PIK3C2G: variants seen among roughly 807,000 people sequenced by gnomAD.
PIK3C2G encodes phosphatidylinositol 3-kinase C2 domain-containing subunit gamma.
A neutral mutation model predicts 181.1 loss-of-function variants in PIK3C2G; 168 were observed. The observed-to-expected ratio is 0.93, with a 90% CI of 0.82 to 1.05. The LOEUF is 1.05. Among genes scored for constraint, PIK3C2G ranks in the 50% least tolerant of loss-of-function variants. The pLI is 0.00. For missense variants in PIK3C2G, 1,869 were observed against 1,732.8 expected (o/e 1.08, Z -1.40); for synonymous variants, 573 against 592.2 (o/e 0.97, Z 0.47).
Position 18,414,564 on chromosome 12 carries a change from TATTTA to T in PIK3C2G, c.2316-6370_2316-6366del, listed in dbSNP as rs552073883. Among the ~76,000 whole-genome samples the T allele has an allele frequency of 6.6e-3, 1,000 of 152,132 alleles. 15 individuals carry two copies. The highest frequency in any genetic ancestry group is 0.023 in the African/African-American group (955 of 41,536). ...TATATTCCATCACATAGTTATATCA[TATTTA>T]ATTTAACTATTAATTTTTAGACATT... On this transcript the variant is annotated intron_variant, in intron 16 of 32. Coordinates refer to ENST00000538779, the MANE Select transcript of PIK3C2G (RefSeq NM_001288772.2).
At chr12:18,648,982 A>T (rs752667459), downstream of PIK3C2G, among the ~76,000 whole-genome samples, 4 of 152,104 alleles carry the variant, frequency 2.6e-5, no homozygotes, top group Admixed American at 2.0e-4. Context: ...CACCTCCTCT[A>T]TATCATATGA....
At chr12:18,454,798 G>A (rs755825699) in intron 18 of PIK3C2G, among the ~76,000 whole-genome samples, 1 of 152,102 alleles carries the variant, frequency 6.6e-6, no homozygotes, top group Non-Finnish European at 1.5e-5. Flanking sequence ...TTAATTTGAA[G>A]ATAGAACTGA....
intron 15 of PIK3C2G, among the ~76,000 whole-genome samples, chr12:18,392,805 C>A (rs1166177011): frequency 2.6e-5 from 4 of 152,048 alleles, no homozygotes; most frequent in Admixed American, 2.0e-4. Flanking sequence ...ACACTGATAA[C>A]AATGTGTGTG....
the PIK3C2G span, chr12:18,684,389 C>G: frequency 9.5e-7 from 1 of 1,048,222 alleles, no homozygotes; most frequent in East Asian, 2.5e-5. Flanking sequence ...ACAATAATAT[C>G]TTGTGTTTAG....
At chr12:18,425,423 C>T (rs1307105167) in intron 18 of PIK3C2G, among the ~76,000 whole-genome samples, 2 of 113,188 alleles carry the variant, frequency 1.8e-5, no homozygotes, top group African/African-American at 3.3e-5. Flanking sequence ...GTCGGAGTCT[C>T]ACTTTGTCAC....
At chr12:18,689,804 T>C in the PIK3C2G span, among the ~76,000 whole-genome samples, 1 of 152,176 alleles carries the variant, frequency 6.6e-6, no homozygotes, top group African/African-American at 2.4e-5. Context: ...CAATGTCAAA[T>C]GCCTTCATCA....
the PIK3C2G span, among the ~76,000 whole-genome samples, chr12:18,700,548 C>A: frequency 3.8e-5 from 5 of 131,522 alleles, no homozygotes; most frequent in East Asian, 4.9e-4. Context: ...AGTTGCTCTG[C>A]CAAGAGATAG....
At chr12:18,265,755 T>A (rs1948457941) in intron 1 of PIK3C2G, among the ~76,000 whole-genome samples, 2 of 152,076 alleles carry the variant, frequency 1.3e-5, no homozygotes, top group Non-Finnish European at 2.9e-5. Flanking sequence ...GGCTCAAGCC[T>A]GTAATCCCAG....
chr12:18,365,069 GA>G (rs1941542315), intron 12 of PIK3C2G, among the ~76,000 whole-genome samples: 1 of 152,070 alleles, frequency 6.6e-6, no homozygotes, highest in African/African-American at 2.4e-5. Context: ...CAATTTCAAA[GA>G]AAAAATTCTG....
At chr12:18,310,342 G>A (rs1444191663) in intron 5 of PIK3C2G, among the ~76,000 whole-genome samples, 1 of 151,878 alleles carries the variant, frequency 6.6e-6, no homozygotes, top group Admixed American at 6.6e-5. Flanking sequence ...ACTTTGGCTA[G>A]TGAGAGGCTA....
At chr12:18,337,868 C>T (rs934758681) in intron 8 of PIK3C2G, among the ~76,000 whole-genome samples, 20 of 152,136 alleles carry the variant, frequency 1.3e-4, no homozygotes, top group Non-Finnish European at 2.6e-4. Context: ...TCAGTCACTT[C>T]AAGGATAGTG....
At chr12:18,658,111 C>T in the PIK3C2G span, among the ~76,000 whole-genome samples, 9 of 152,144 alleles carry the variant, frequency 5.9e-5, no homozygotes, top group Non-Finnish European at 8.8e-5. Flanking sequence ...GAAGAATTAG[C>T]AAACTTGAAA....
At position 18,491,607 on chromosome 12, in the gene PIK3C2G, G is replaced by C. The variant is rs190053686; in HGVS notation, c.2793+49G>C. On this transcript the variant is annotated intron_variant, in intron 20 of 32. Transcript: ENST00000538779. ...TAATGGAATATTTCTGTTTTGTATA[G>C]TTTAGTTCATTGTATATGTTTGAAA... 1.3e-3 allele frequency: 1,357 copies of C among 1,070,238 alleles called. 9 individuals are homozygous for C. The African/African-American group carries it at 0.019, about 15-fold the overall frequency. The allele number at this position is 1,070,238 out of a possible 1,614,324, so 66.3% of individuals were successfully genotyped here.
At chr12:18,578,770 T>G (rs2136411184) in intron 29 of PIK3C2G, among the ~76,000 whole-genome samples, 1 of 152,286 alleles carries the variant, frequency 6.6e-6, no homozygotes, top group Admixed American at 6.5e-5. Context: ...TAAATATTTT[T>G]ACTATTTTAA....
intron 8 of PIK3C2G, among the ~76,000 whole-genome samples, chr12:18,336,087 T>C (rs367675729): frequency 6.6e-6 from 1 of 152,192 alleles, no homozygotes; most frequent in Non-Finnish European, 1.5e-5. Flanking sequence ...TATCTCTGCA[T>C]ATACAGTGTT....
At chr12:18,605,008 A>C (rs529867030) in intron 30 of PIK3C2G, among the ~76,000 whole-genome samples, 75 of 152,252 alleles carry the variant, frequency 4.9e-4, no homozygotes, top group Non-Finnish European at 7.9e-4. Context: ...AGCCAAACCC[A>C]CACTCAGCAG....
At chr12:18,690,012 C>A in the PIK3C2G span, among the ~76,000 whole-genome samples, 1 of 152,156 alleles carries the variant, frequency 6.6e-6, no homozygotes, top group African/African-American at 2.4e-5. Flanking sequence ...CAAGAGACTC[C>A]TCAGAATACA....
chr12:18,652,212 A>G (rs949870784), downstream of PIK3C2G, among the ~76,000 whole-genome samples: 2 of 152,154 alleles, frequency 1.3e-5, no homozygotes, highest in Non-Finnish European at 2.9e-5. Flanking sequence ...AGATGAGGTC[A>G]TATGGAGTGA....
chr12:18,451,020 A>C (rs1199926350), intron 18 of PIK3C2G, among the ~76,000 whole-genome samples: 1 of 152,170 alleles, frequency 6.6e-6, no homozygotes, highest in East Asian at 1.9e-4. Context: ...CGATGCCTCC[A>C]GCTTTGTTCT....
Sources: gnomAD v4.1 joint callset for allele counts (sites outside exome capture counted in the v4.1 genomes callset) on GRCh38, gnomAD v4.1.1 for gene constraint, MANE v1.5 for transcripts, NCBI Gene and HGNC (gene_info 2026-07-23, HGNC 2026-07-21) for gene names.